Variants in SOX4 observed in about 807,000 individuals in gnomAD.
The protein encoded by SOX4 is transcription factor SOX-4.
For missense variants in SOX4, 662 were observed against 694.9 expected (o/e 0.95, Z 0.53); for synonymous variants, 465 against 348.4 (o/e 1.33, Z -3.73).
Position 21,594,308 on chromosome 6 carries a change from A to C in SOX4, c.-227A>C. 2 of 431,894 alleles carry C rather than the reference A, an allele frequency of 4.6e-6. No homozygotes were observed. Among genetic ancestry groups the C allele is most frequent in the East Asian group, 3.9e-5 (1 of 25,590 alleles). 26.8% of individuals were successfully genotyped at this position (431,894 alleles called of 1,614,324 possible). On this transcript the variant is annotated 5_prime_UTR_variant, in exon 1 of 1. Transcript: ENST00000244745. Reference sequence around the variant, plus strand: ...GAGAGAGAGACTCTCCAGCCTGGGAACTATAACTCCTCTGCGAGAGGCGGA... The same window carrying C: ...GAGAGAGAGACTCTCCAGCCTGGGACCTATAACTCCTCTGCGAGAGGCGGA...
chr6:21,595,250 C>T lies in SOX4; in HGVS notation c.716C>T (p.Ala239Val), dbSNP rs1318728543. Residue 239 changes from alanine to valine, a missense_variant, in exon 1 of 1, where the codon GCC (alanine) becomes GTC (valine). Transcript: ENST00000244745. Reference protein sequence around the residue: ...AAAAAAASFAAEQAGAAALLP... With the variant: ...AAAAAAASFAVEQAGAAALLP... Reference sequence around the variant, plus strand: ...GCTGCCGCCGCCGCCTCCTTCGCCGCCGAACAGGCGGGGGCCGCCGCCCTG... The same window carrying T: ...GCTGCCGCCGCCGCCTCCTTCGCCGTCGAACAGGCGGGGGCCGCCGCCCTG... 12 of 1,256,752 alleles carry T rather than the reference C, an allele frequency of 9.5e-6. No individual in the cohort carries two copies. The highest frequency in any genetic ancestry group is 3.2e-5 in the East Asian group (1 of 31,352). The allele number at this position is 1,256,752 out of a possible 1,614,324, so 77.9% of individuals were successfully genotyped here. A position where few individuals can be genotyped will look rare whatever the true frequency, so the allele number is the denominator to read the frequency against.
chr6:21,594,624 C>A lies in SOX4; in HGVS notation c.90C>A (p.Ile30=). 1.9e-6 allele frequency: 3 copies of A among 1,607,112 alleles called. No individual in the cohort carries two copies. The highest frequency in any genetic ancestry group is 1.1e-5 in the South Asian group (1 of 90,290). The change falls in exon 1 of 1, where the codon ATC becomes ATA. Residue 30 remains isoleucine, a synonymous_variant. Coordinates refer to ENST00000244745, the MANE Select transcript of SOX4 (RefSeq NM_003107.3). ...SDSGAGLELG[I]ASSPTPGSTA... ...CGGGCGCCGGCCTCGAGCTGGGAAT[C>A]GCCTCCTCCCCCACGCCCGGCTCCA...
In SOX4 at chr6:21,595,985, C is replaced by T. The variant is rs1561758058; in HGVS notation, c.*26C>T. On this transcript the variant is annotated 3_prime_UTR_variant, in exon 1 of 1. Coordinates refer to ENST00000244745, the MANE Select transcript of SOX4 (RefSeq NM_003107.3). ...AGGGCGCGCAGGCAGGGAGAAGGGCCGGGGGGGGTAGGAGAGGAGAAAAAA... is the reference window on the plus strand; with the variant it reads ...AGGGCGCGCAGGCAGGGAGAAGGGCTGGGGGGGGTAGGAGAGGAGAAAAAA... The T allele has an allele frequency of 2.1e-6, 3 of 1,395,412 alleles. No homozygotes were observed. Among genetic ancestry groups the T allele is most frequent in the African/African-American group, 1.5e-5 (1 of 65,210 alleles). The allele number at this position is 1,395,412 out of a possible 1,614,324, so 86.4% of individuals were successfully genotyped here.
rs562333933 is a variant in SOX4 at position 21,594,822 on chromosome 6, C to G, written c.288C>G (p.Arg96=). The change falls in exon 1 of 1, where the codon CGC becomes CGG. Residue 96 remains arginine, a synonymous_variant. Coordinates refer to ENST00000244745, the MANE Select transcript of SOX4 (RefSeq NM_003107.3). The part of the protein sequence containing the change: ...NAEISKRLGK[R]WKLLKDSDKI... ...AGATCTCCAAGCGGCTGGGCAAACG[C>G]TGGAAGCTGCTCAAAGACAGCGACA... is the stretch of plus-strand genomic sequence containing the variant. The G allele has an allele frequency of 7.5e-6, 12 of 1,610,114 alleles. No individual in the cohort carries two copies. The highest frequency in any genetic ancestry group is 1.0e-5 in the Non-Finnish European group (12 of 1,178,346).
At position 21,594,618 on chromosome 6, in the gene SOX4, G is replaced by A. The variant is rs1409622120; in HGVS notation, c.84G>A (p.Leu28=). ...ESSDSGAGLE[L]GIASSPTPGS... ...CGGACTCGGGCGCCGGCCTCGAGCT[G>A]GGAATCGCCTCCTCCCCCACGCCCG... The change falls in exon 1 of 1, where the codon CTG becomes CTA. Residue 28 remains leucine, a synonymous_variant. Transcript: ENST00000244745. 1 of 1,608,318 alleles carries A rather than the reference G, an allele frequency of 6.2e-7. No homozygotes were observed. Among genetic ancestry groups the A allele is most frequent in the East Asian group, 2.2e-5 (1 of 44,596 alleles).
chr6:21,595,481 C>A lies in SOX4; in HGVS notation c.947C>A (p.Ala316Asp). 7.0e-7 allele frequency: 1 copy of A among 1,434,010 alleles called. No individual in the cohort carries two copies. The highest frequency in any genetic ancestry group is 9.1e-7 in the Non-Finnish European group (1 of 1,096,660). 88.8% of individuals were successfully genotyped at this position (1,434,010 alleles called of 1,614,324 possible). A position where few individuals can be genotyped will look rare whatever the true frequency, so the allele number is the denominator to read the frequency against. Residue 316 changes from alanine to aspartate, a missense_variant, in exon 1 of 1, where the codon GCC becomes GAC. Transcript: ENST00000244745. ...CCCGTGGGCGGCGTGGGCGCGGGAG[C>A]CGACCCCAGCGACCCCCTGGGCCTG... ...SSPVGGVGAG[A>D]DPSDPLGLYE...
chr6:21,597,645 AAAAC>A lies in SOX4; in HGVS notation c.*1690_*1693del, dbSNP rs1287816099. The A allele has an allele frequency of 6.0e-6, 1 of 166,720 alleles. No individual in the cohort carries two copies. Among genetic ancestry groups the A allele is most frequent in the Non-Finnish European group, 1.5e-5 (1 of 68,056 alleles). The allele number at this position is 166,720 out of a possible 1,614,324, so 10.3% of individuals were successfully genotyped here. A position where few individuals can be genotyped will look rare whatever the true frequency, so the allele number is the denominator to read the frequency against. On this transcript the variant is annotated 3_prime_UTR_variant, in exon 1 of 1. Coordinates refer to ENST00000244745, the MANE Select transcript of SOX4 (RefSeq NM_003107.3). ...AAATGTAGACTTTTGACACTTTTAAAAAACAAAAAAAGACAAGAGAGATGAAAAC... is the reference window on the plus strand; with the variant it reads ...AAATGTAGACTTTTGACACTTTTAAAAAAAAAAGACAAGAGAGATGAAAAC...
chr6:21,595,680 C>G lies in SOX4; in HGVS notation c.1146C>G (p.Ala382=), dbSNP rs775743950. The change falls in exon 1 of 1, where the codon GCC becomes GCG. Residue 382 remains alanine (A), a synonymous_variant. Coordinates refer to ENST00000244745, the MANE Select transcript of SOX4 (RefSeq NM_003107.3). The part of the protein sequence containing the change: ...SSAPSHASSS[A]SSHSSSSSSS... ...CGCCCTCGCACGCGTCCTCCTCGGC[C>G]TCGTCCCACTCCTCCTCTTCCTCCT... 1.5e-5 allele frequency: 24 copies of G among 1,574,746 alleles called. No homozygotes were observed. Among genetic ancestry groups the G allele is most frequent in the Non-Finnish European group, 2.1e-5 (24 of 1,161,084 alleles).
rs1364092588 is a variant in SOX4, at chr6:21,595,246, G to A, written c.712G>A (p.Ala238Thr). ...KAAAAAAASF[A>T]AEQAGAAALL... ...AGCGGCTGCCGCCGCCGCCTCCTTC[G>A]CCGCCGAACAGGCGGGGGCCGCCGC... is the stretch of plus-strand genomic sequence containing the variant. Residue 238 changes from alanine (A) to threonine (T), a missense_variant, in exon 1 of 1, where the codon GCC becomes ACC. By Grantham distance (58) the Ala-to-Thr change is moderately conservative (BLOSUM62 0). Coordinates refer to ENST00000244745, the MANE Select transcript of SOX4 (RefSeq NM_003107.3). 6.4e-6 allele frequency: 8 copies of A among 1,249,118 alleles called. No homozygotes were observed. Among genetic ancestry groups the A allele is most frequent in the Non-Finnish European group, 8.0e-6 (8 of 1,001,846 alleles). 77.4% of individuals were successfully genotyped at this position (1,249,118 alleles called of 1,614,324 possible). A position where few individuals can be genotyped will look rare whatever the true frequency, so the allele number is the denominator to read the frequency against.
chr6:21,594,313 A>C lies in SOX4; in HGVS notation c.-222A>C. The C allele has an allele frequency of 2.2e-6, 1 of 451,814 alleles. No individual in the cohort carries two copies. The allele number at this position is 451,814 out of a possible 1,614,324, so 28.0% of individuals were successfully genotyped here. ...AGAGACTCTCCAGCCTGGGAACTATAACTCCTCTGCGAGAGGCGGAGAACT... is the reference window on the plus strand; with the variant it reads ...AGAGACTCTCCAGCCTGGGAACTATCACTCCTCTGCGAGAGGCGGAGAACT... On this transcript the variant is annotated 5_prime_UTR_variant, in exon 1 of 1. Coordinates refer to ENST00000244745, the MANE Select transcript of SOX4 (RefSeq NM_003107.3).
chr6:21,594,282 G>GGAGAGAGA lies in SOX4; in HGVS notation c.-250_-243dup. On this transcript the variant is annotated 5_prime_UTR_variant, in exon 1 of 1. Transcript: ENST00000244745. ...AGCGCGGTGAGAGAGCGAGAGAGAGGGAGAGAGAGACTCTCCAGCCTGGGA... is the reference window on the plus strand; with the variant it reads ...AGCGCGGTGAGAGAGCGAGAGAGAGGGAGAGAGAGAGAGAGAGACTCTCCAGCCTGGGA... 2 of 389,502 alleles carry GGAGAGAGA rather than the reference G, an allele frequency of 5.1e-6. No individual in the cohort carries two copies. Among genetic ancestry groups the GGAGAGAGA allele is most frequent in the Non-Finnish European group, 4.4e-6 (1 of 225,040 alleles). 24.1% of individuals were successfully genotyped at this position (389,502 alleles called of 1,614,324 possible). A position where few individuals can be genotyped will look rare whatever the true frequency, so the allele number is the denominator to read the frequency against.
Position 21,594,400 on chromosome 6 carries a change from G to C in SOX4, c.-135G>C. 8.6e-7 allele frequency: 1 copy of C among 1,165,960 alleles called. No homozygotes were observed. The highest frequency in any genetic ancestry group is 1.1e-6 in the Non-Finnish European group (1 of 908,480). 72.2% of individuals were successfully genotyped at this position (1,165,960 alleles called of 1,614,324 possible). On this transcript the variant is annotated 5_prime_UTR_variant, in exon 1 of 1. Transcript: ENST00000244745. ...CCCACCTCCGCCCCTGCGAGGAGTTGAGGGGCCAGTTCGGCCGCCGCGCGC... is the reference window on the plus strand; with the variant it reads ...CCCACCTCCGCCCCTGCGAGGAGTTCAGGGGCCAGTTCGGCCGCCGCGCGC...
chr6:21,596,481 C>G lies in SOX4; in HGVS notation c.*522C>G, dbSNP rs903075517. ...AAAGGAGGGGAGAACCCAGCGCACC[C>G]CTCCCCCCCTTTTTTTAAACGCGTG... On this transcript the variant is annotated 3_prime_UTR_variant, in exon 1 of 1. Transcript: ENST00000244745. The G allele has an allele frequency of 6.0e-6, 1 of 167,094 alleles. No homozygotes were observed. Among genetic ancestry groups the G allele is most frequent in the Non-Finnish European group, 1.5e-5 (1 of 68,210 alleles). The allele number at this position is 167,094 out of a possible 1,614,324, so 10.4% of individuals were successfully genotyped here.
chr6:21,595,637 C>G lies in SOX4; in HGVS notation c.1103C>G (p.Ser368Trp). 1.4e-6 allele frequency: 2 copies of G among 1,468,932 alleles called. No homozygotes were observed. Among genetic ancestry groups the G allele is most frequent in the Non-Finnish European group, 1.8e-6 (2 of 1,106,888 alleles). The allele number at this position is 1,468,932 out of a possible 1,614,324, so 91.0% of individuals were successfully genotyped here. Residue 368 changes from serine (S) to tryptophan (W), a missense_variant, in exon 1 of 1, where the codon TCG becomes TGG. Ser to Trp is a radical substitution (Grantham distance 177). Transcript: ENST00000244745. ...HRGYASLRAASPAPSSAPSHA... is the reference protein window; with the variant it reads ...HRGYASLRAAWPAPSSAPSHA... ...GGCTACGCCAGCCTGCGCGCCGCCT[C>G]GCCCGCCCCGTCCAGCGCGCCCTCG...
At position 21,598,486 on chromosome 6, in the gene SOX4, T is replaced by A. The variant is rs1280132699; in HGVS notation, c.*2527T>A. ...AAAATTCAAGGCCACAAAAACAATG[T>A]TTGGGGGAAAAAAAAGAAAAAATCA... On this transcript the variant is annotated 3_prime_UTR_variant, in exon 1 of 1. Transcript: ENST00000244745. 2 of 167,020 alleles carry A rather than the reference T, an allele frequency of 1.2e-5. No individual in the cohort carries two copies. Among genetic ancestry groups the A allele is most frequent in the Non-Finnish European group, 2.9e-5 (2 of 68,108 alleles). The allele number at this position is 167,020 out of a possible 1,614,324, so 10.3% of individuals were successfully genotyped here. A position where few individuals can be genotyped will look rare whatever the true frequency, so the allele number is the denominator to read the frequency against.
rs1007735467 is a variant in SOX4 at position 21,594,759 on chromosome 6, C to A, written c.225C>A (p.Arg75=). ...AFMVWSQIER[R]KIMEQSPDMH... ...TGGTGTGGTCGCAGATCGAGCGGCG[C>A]AAGATCATGGAGCAGTCGCCCGACA... The change falls in exon 1 of 1, where the codon CGC becomes CGA. Residue 75 remains arginine (R), a synonymous_variant. Coordinates refer to ENST00000244745, the MANE Select transcript of SOX4 (RefSeq NM_003107.3). The A allele has an allele frequency of 1.9e-6, 3 of 1,599,692 alleles. No homozygotes were observed. Among genetic ancestry groups the A allele is most frequent in the Admixed American group, 3.5e-5 (2 of 56,896 alleles).
Position 21,596,905 on chromosome 6 carries a change from G to A in SOX4, c.*946G>A, listed in dbSNP as rs1488915965. The A allele has an allele frequency of 6.0e-6, 1 of 165,752 alleles. No homozygotes were observed. Among genetic ancestry groups the A allele is most frequent in the East Asian group, 1.9e-4 (1 of 5,160 alleles). 10.3% of individuals were successfully genotyped at this position (165,752 alleles called of 1,614,324 possible). On this transcript the variant is annotated 3_prime_UTR_variant, in exon 1 of 1. Transcript: ENST00000244745. ...CTTCCCAGACCCCGGAGGCGTGGAG[G>A]AGAGGAGACTGTTTGATGTGGTACA...
Position 21,594,795 on chromosome 6 carries a change from C to G in SOX4, c.261C>G (p.Ala87=), listed in dbSNP as rs1459953414. ...AGCAGTCGCCCGACATGCACAACGC[C>G]GAGATCTCCAAGCGGCTGGGCAAAC... is the stretch of plus-strand genomic sequence containing the variant. ...IMEQSPDMHN[A]EISKRLGKRW... is the part of the protein sequence containing the mutation. The change falls in exon 1 of 1, where the codon GCC becomes GCG. Residue 87 remains alanine, a synonymous_variant. Transcript: ENST00000244745. The G allele has an allele frequency of 6.2e-7, 1 of 1,607,206 alleles. No homozygotes were observed. Among genetic ancestry groups the G allele is most frequent in the Non-Finnish European group, 8.5e-7 (1 of 1,176,944 alleles).
chr6:21,595,077 C>T lies in SOX4; in HGVS notation c.543C>T (p.Gly181=), dbSNP rs1234000675. The T allele has an allele frequency of 2.1e-6, 3 of 1,409,816 alleles. No individual in the cohort carries two copies. In the South Asian group the frequency reaches 4.8e-5, roughly 23 times the overall value. The allele number at this position is 1,409,816 out of a possible 1,614,324, so 87.3% of individuals were successfully genotyped here. A position where few individuals can be genotyped will look rare whatever the true frequency, so the allele number is the denominator to read the frequency against. Residue 181 remains glycine (G), a synonymous_variant, in exon 1 of 1, where the codon GGC becomes GGT. Coordinates refer to ENST00000244745, the MANE Select transcript of SOX4 (RefSeq NM_003107.3). ...GGAGCAGCAACGCGGGGGGAGGAGG[C>T]GGCGGTGCGAGTGGCGGCGGCGCCA... The part of the protein sequence containing the change: ...GGGSSNAGGG[G]GGASGGGANS...
Sources: allele counts gnomAD v4.1 joint callset, GRCh38; gene constraint gnomAD v4.1.1; transcripts MANE v1.5; gene names NCBI Gene and HGNC (gene_info 2026-07-23, HGNC 2026-07-21).